TNS3: variants seen among roughly 807,000 people sequenced by gnomAD.
TNS3 encodes the protein tensin-3.
Under a neutral mutation model 140.9 loss-of-function variants are expected in TNS3, and 45 were observed. The ratio of observed to expected loss-of-function variants is 0.32; its 90% CI spans 0.25 to 0.41. The LOEUF is 0.41. Among genes scored for constraint, TNS3 ranks in the 10% least tolerant of loss-of-function variants. The probability of loss-of-function intolerance (pLI) is 1.00; values close to 1 mark genes in which losing one functional copy is unlikely to be tolerated. For missense variants in TNS3, 1,716 were observed against 1,906.7 expected, an observed-to-expected ratio of 0.90 and a Z score of 1.86; for synonymous variants, 815 against 788.4, an observed-to-expected ratio of 1.03 and a Z score of -0.56.
At chr7:47,357,736 G>C (rs115334280) in intron 17 of TNS3, among the ~76,000 whole-genome samples, 3 of 144,462 alleles carry the variant, frequency 2.1e-5, no homozygotes, top group Non-Finnish European at 4.6e-5. Context: ...GGTAGGCGCC[G>C]GCAAAACTGC....
chr7:47,331,029 T>G (rs909560063), intron 20 of TNS3, among the ~76,000 whole-genome samples: 1 of 152,156 alleles, frequency 6.6e-6, no homozygotes, highest in Non-Finnish European at 1.5e-5. Flanking sequence ...AGCGATCAGG[T>G]GATCTGCAGG....
intron 1 of TNS3, among the ~76,000 whole-genome samples, chr7:47,570,994 G>A (rs757675362): frequency 1.3e-5 from 2 of 152,118 alleles, no homozygotes; most frequent in Non-Finnish European, 2.9e-5. Context: ...GGTAGTCAGC[G>A]TCCCACCTGG....
intron 1 of TNS3, among the ~76,000 whole-genome samples, chr7:47,541,725 G>C (rs915883063): frequency 8.5e-5 from 13 of 152,072 alleles, no homozygotes; most frequent in African/African-American, 3.1e-4. Context: ...GAGGCGAGCG[G>C]ATCACAAGGT....
In TNS3 at chr7:47,486,678, A is replaced by C. The variant is rs117191496; in HGVS notation, c.-114-5537T>G. On this transcript the variant is annotated intron_variant, in intron 3 of 30. Coordinates refer to ENST00000311160, the MANE Select transcript of TNS3 (RefSeq NM_022748.12). ...TCTGGGAGATCCAAGTCCTGGGAGA[A>C]ATAAAGGACAACTCAGTTCTCCTCG... 8.5e-3 allele frequency among the ~76,000 whole-genome samples: 1,293 copies of C among 152,330 alleles called. 7 individuals are homozygous for C. Among genetic ancestry groups the C allele is most frequent in the Non-Finnish European group, 0.013 (892 of 68,034 alleles).
chr7:47,421,260 T>C (rs922494400), intron 10 of TNS3, among the ~76,000 whole-genome samples: 6 of 152,244 alleles, frequency 3.9e-5, no homozygotes, highest in Middle Eastern at 6.8e-3. Context: ...ACCAAAACTA[T>C]ACCCGGATTT....
chr7:47,421,775 C>T (rs1011717921), intron 10 of TNS3, among the ~76,000 whole-genome samples: 6 of 152,146 alleles, frequency 3.9e-5, no homozygotes, highest in Admixed American at 2.0e-4. Context: ...GTGAGTTTTA[C>T]GGGTCAGCTC....
chr7:47,385,048 C>CT (rs1202517548), intron 16 of TNS3, among the ~76,000 whole-genome samples: 1 of 152,240 alleles, frequency 6.6e-6, no homozygotes, highest in Non-Finnish European at 1.5e-5. Context: ...AACAGACAAC[C>CT]TCGCCTGCCT....
At chr7:47,428,822 G>A (rs926553548) in intron 8 of TNS3, among the ~76,000 whole-genome samples, 1 of 152,224 alleles carries the variant, frequency 6.6e-6, no homozygotes, top group African/African-American at 2.4e-5. Context: ...CAGCTTACTG[G>A]CAGCACTGCC....
At chr7:47,474,218 CACA>C (rs1333956427) in intron 4 of TNS3, among the ~76,000 whole-genome samples, 2 of 150,624 alleles carry the variant, frequency 1.3e-5, no homozygotes, top group Non-Finnish European at 3.0e-5. Flanking sequence ...ACACCTCACA[CACA>C]ACACACACAA....
At chr7:47,390,326 T>C (rs1792437829) in intron 16 of TNS3, among the ~76,000 whole-genome samples, 1 of 152,238 alleles carries the variant, frequency 6.6e-6, no homozygotes, top group Non-Finnish European at 1.5e-5. Flanking sequence ...GGTCTCAGCT[T>C]GATCTGGCAC....
chr7:47,346,244 A>G lies in TNS3; in HGVS notation c.2394T>C (p.Ala798=). 1 of 1,614,190 alleles carries G rather than the reference A, an allele frequency of 6.2e-7. No homozygotes were observed. Residue 798 remains alanine, a synonymous_variant, in exon 18 of 31, where the codon GCT becomes GCC. Transcript: ENST00000311160. ...LPFSKCAWGK[A]GVDYAPNLPP... Reference sequence around the variant, plus strand: ...GCAGGTTTGGGGCATAGTCCACACCAGCCTTTCCCCATGCACATTTGGAGA... The same window carrying G: ...GCAGGTTTGGGGCATAGTCCACACCGGCCTTTCCCCATGCACATTTGGAGA...
At chr7:47,362,859 TACC>T (rs1178065348) in intron 17 of TNS3, among the ~76,000 whole-genome samples, 5 of 57,580 alleles carry the variant, frequency 8.7e-5, no homozygotes, top group Non-Finnish European at 1.5e-4. Context: ...CCATCACCAT[TACC>T]ACCATCAACA....
At chr7:47,477,932 C>T (rs574761916) in intron 4 of TNS3, among the ~76,000 whole-genome samples, 3 of 152,252 alleles carry the variant, frequency 2.0e-5, no homozygotes, top group South Asian at 4.1e-4. Flanking sequence ...TGGGCTGCCA[C>T]GTCCATCCTT....
At chr7:47,442,588 A>G (rs1469755996) in intron 4 of TNS3, among the ~76,000 whole-genome samples, 1 of 152,190 alleles carries the variant, frequency 6.6e-6, no homozygotes, top group Non-Finnish European at 1.5e-5. Context: ...GAGATCTACT[A>G]TTTCAGGAAA....
At position 47,369,424 on chromosome 7, in the gene TNS3, G is replaced by A. The variant is rs772484897; in HGVS notation, c.1222C>T (p.Arg408Cys). The change falls in exon 17 of 31, where the codon CGC becomes TGC. Residue 408 changes from arginine (R) to cysteine (C), a missense_variant. Around this residue, in one of 3 missense-constraint regions of TNS3, gnomAD observed 1,163 missense variants for 1,182.1 expected, o/e 0.98. Coordinates refer to ENST00000311160, the MANE Select transcript of TNS3 (RefSeq NM_022748.12). ...CCCCTCCTGGTTCCTGGGGCCAGGC[G>A]CTCTTCCGTCTTATCCGTCCTGGCA... ...ASARTDKTEE[R>C]LAPGTRRGLS... 27 of 1,614,026 alleles carry A rather than the reference G, an allele frequency of 1.7e-5. No homozygotes were observed. The highest frequency in any genetic ancestry group is 1.9e-5 in the Non-Finnish European group (22 of 1,180,044).
At chr7:47,499,724 G>A (rs10265492) in intron 3 of TNS3, among the ~76,000 whole-genome samples, 31,453 of 152,072 alleles carry the variant, frequency 0.21, 3,938 homozygotes, top group African/African-American at 0.33. Context: ...AGAGAAGCGC[G>A]GCACAGAGGA....
At chr7:47,513,305 G>A (rs1468400723) in intron 2 of TNS3, among the ~76,000 whole-genome samples, 1 of 152,110 alleles carries the variant, frequency 6.6e-6, no homozygotes, top group Non-Finnish European at 1.5e-5. Context: ...GGGTAGCTGG[G>A]ACCATTGGCG....
In TNS3 at chr7:47,303,337, T is replaced by C. The variant is rs776673641; in HGVS notation, c.3070A>G (p.Thr1024Ala). The change falls in exon 22 of 31, where the codon ACC (threonine) becomes GCC (alanine). Residue 1024 changes from threonine (T) to alanine (A), a missense_variant. By Grantham distance (58) the Thr-to-Ala change is moderately conservative. Transcript: ENST00000311160. ...PSSQAFLGFG[T>A]APVGSGLPPE... ...GGAAGGCCACTTCCCACTGGGGCGG[T>C]GCCGAAGCCCAGGAAGGCCTGGCTG... 3.7e-6 allele frequency: 6 copies of C among 1,613,498 alleles called. No individual in the cohort carries two copies.
In TNS3 at chr7:47,454,199, C is replaced by G. The variant is rs529343564; in HGVS notation, c.-75-12144G>C. 3.7e-4 allele frequency among the ~76,000 whole-genome samples: 57 copies of G among 152,198 alleles called. 1 individual carries two copies. The East Asian group carries it at 9.3e-3, about 25-fold the overall frequency. ...TTCCAGGCTGAACACAAACAGGGGG[C>G]CCCAGTTTATAACTAGCCAGGGGTG... On this transcript the variant is annotated intron_variant, in intron 4 of 30. Coordinates refer to ENST00000311160, the MANE Select transcript of TNS3 (RefSeq NM_022748.12).
Sources: gnomAD v4.1 joint callset for allele counts (sites outside exome capture counted in the v4.1 genomes callset) on GRCh38, gnomAD v4.1.1 for gene constraint, gnomAD v4.1.1 regional missense constraint, MANE v1.5 for transcripts, NCBI Gene and HGNC (gene_info 2026-07-23, HGNC 2026-07-21) for gene names.